The following CRACDL variants were observed in gnomAD, a reference collection of about 807,000 sequenced individuals.
CRACDL encodes CRACD-like protein.
In CRACDL, 26 loss-of-function variants were observed where a neutral mutation model predicts 70.6. That is an observed-to-expected ratio of 0.37 (90% confidence interval 0.27 to 0.51). The LOEUF (loss-of-function observed/expected upper bound fraction) is 0.51. CRACDL is among the 20% of genes least tolerant of loss of function. CRACDL has a pLI of 0.94. For missense variants in CRACDL, 1,283 were observed against 1,376.9 expected, an observed-to-expected ratio of 0.93 and a Z score of 1.08; for synonymous variants, 618 against 615.2, an observed-to-expected ratio of 1.00 and a Z score of -0.07.
At chr2:98,820,801 G>A (rs1434275023) in intron 7 of CRACDL, among the ~76,000 whole-genome samples, 1 of 152,180 alleles carries the variant, frequency 6.6e-6, no homozygotes, top group African/African-American at 2.4e-5. Flanking sequence ...AGAGACTTAC[G>A]TTTTATACAG....
chr2:98,799,320 T>C (rs113528263), intron 7 of CRACDL, among the ~76,000 whole-genome samples: 3,370 of 152,286 alleles, frequency 0.022, 134 homozygotes, highest in African/African-American at 0.077. Flanking sequence ...TTTCCCTTAG[T>C]GCCCTGGTCA....
chr2:98,919,884 T>C (rs1468330425), intron 1 of CRACDL, among the ~76,000 whole-genome samples: 1 of 152,164 alleles, frequency 6.6e-6, no homozygotes, highest in Non-Finnish European at 1.5e-5. Flanking sequence ...TTCTGAGTAG[T>C]TGGGACTGCA....
At chr2:98,881,865 C>A (rs1040964807) in intron 1 of CRACDL, among the ~76,000 whole-genome samples, 1 of 152,186 alleles carries the variant, frequency 6.6e-6, no homozygotes, top group African/African-American at 2.4e-5. Flanking sequence ...CCTCTTCCAA[C>A]ACAGGCTTAA....
chr2:98,896,597 G>A (rs922610165), intron 1 of CRACDL, among the ~76,000 whole-genome samples: 2 of 152,100 alleles, frequency 1.3e-5, no homozygotes, highest in African/African-American at 4.8e-5. Flanking sequence ...TCGGCAGAAT[G>A]ATTGACACTC....
intron 1 of CRACDL, among the ~76,000 whole-genome samples, chr2:98,855,960 CAGAG>C (rs1454260838): frequency 6.6e-6 from 1 of 151,994 alleles, no homozygotes; most frequent in African/African-American, 2.4e-5. Flanking sequence ...AAAAAATGAA[CAGAG>C]ACTCAGAAAA....
intron 9 of CRACDL, among the ~76,000 whole-genome samples, chr2:98,795,340 T>C (rs1431464858): frequency 2.0e-5 from 3 of 151,782 alleles, no homozygotes; most frequent in Non-Finnish European, 2.9e-5. Flanking sequence ...CCTCCCAAAG[T>C]GCTGGGATTA....
At chr2:98,859,682 A>G (rs1231287111) in intron 1 of CRACDL, among the ~76,000 whole-genome samples, 2 of 152,232 alleles carry the variant, frequency 1.3e-5, no homozygotes, top group Non-Finnish European at 2.9e-5. Context: ...GGCATCTATG[A>G]AAAACCTACA....
intron 5 of CRACDL, among the ~76,000 whole-genome samples, chr2:98,827,498 G>T (rs993005280): frequency 6.6e-6 from 1 of 152,168 alleles, no homozygotes; most frequent in Non-Finnish European, 1.5e-5. Flanking sequence ...CACCATGTTG[G>T]CCAGGCTGGT....
At chr2:98,870,555 C>A (rs1330854300) in intron 1 of CRACDL, among the ~76,000 whole-genome samples, 1 of 149,342 alleles carries the variant, frequency 6.7e-6, no homozygotes, top group Non-Finnish European at 1.5e-5. Context: ...GTGGAGAGTC[C>A]CCTGTATCCT....
intron 3 of CRACDL, among the ~76,000 whole-genome samples, chr2:98,837,206 GAAAA>G: frequency 8.8e-6 from 1 of 113,832 alleles, no homozygotes; most frequent in Admixed American, 8.6e-5. Flanking sequence ...ACCCAAAACT[GAAAA>G]AAAAAAAAAA....
rs1489768155 is a variant in CRACDL, at chr2:98,936,164, C to T, written c.-237G>A. ...TCCCGCGGCCGGCCCGGCCCTGCGC[C>T]CGGCGCGCTCCCAGCTCCCAGCTCC... On this transcript the variant is annotated 5_prime_UTR_variant, in exon 1 of 10. Transcript: ENST00000397899. 2.6e-5 allele frequency: 4 copies of T among 151,012 alleles called. No individual in the cohort carries two copies. Among genetic ancestry groups the T allele is most frequent in the Admixed American group, 1.3e-4 (2 of 15,158 alleles). The allele number at this position is 151,012 out of a possible 1,614,324, so 9.4% of individuals were successfully genotyped here.
intron 7 of CRACDL, among the ~76,000 whole-genome samples, chr2:98,804,742 C>T (rs913439067): frequency 6.6e-6 from 1 of 152,140 alleles, no homozygotes; most frequent in South Asian, 2.1e-4. Flanking sequence ...GCTGTGTGTT[C>T]GGTGTCAATG....
At chr2:98,813,789 G>T (rs984032488) in intron 7 of CRACDL, among the ~76,000 whole-genome samples, 1 of 152,136 alleles carries the variant, frequency 6.6e-6, no homozygotes, top group African/African-American at 2.4e-5. Context: ...TATAATTGGT[G>T]TTATTTCTTC....
At chr2:98,803,706 G>T (rs890287155) in intron 7 of CRACDL, among the ~76,000 whole-genome samples, 16 of 152,158 alleles carry the variant, frequency 1.1e-4, no homozygotes, top group Non-Finnish European at 1.8e-4. Context: ...TGGAAAAGAG[G>T]CCTGAGTTTG....
At chr2:98,889,414 A>C (rs775182822) in intron 1 of CRACDL, among the ~76,000 whole-genome samples, 1 of 152,204 alleles carries the variant, frequency 6.6e-6, no homozygotes, top group Non-Finnish European at 1.5e-5. Context: ...TTTAAGATAA[A>C]AATTACTACA....
intron 1 of CRACDL, among the ~76,000 whole-genome samples, chr2:98,870,467 A>G (rs867357838): frequency 1.0e-4 from 12 of 120,552 alleles, no homozygotes; most frequent in African/African-American, 4.1e-4. Flanking sequence ...GGTAGTTTAT[A>G]TACATTTGCC....
intron 1 of CRACDL, among the ~76,000 whole-genome samples, chr2:98,848,476 C>A (rs962234272): frequency 6.6e-6 from 1 of 152,268 alleles, no homozygotes; most frequent in Admixed American, 6.5e-5. Context: ...CCCCTCAGTG[C>A]CATCTCCTGA....
intron 5 of CRACDL, among the ~76,000 whole-genome samples, chr2:98,831,593 TG>T (rs1207739661): frequency 1.3e-5 from 2 of 152,220 alleles, no homozygotes; most frequent in Non-Finnish European, 2.9e-5. Context: ...CTTGTCTACA[TG>T]GGAAGGATGA....
intron 5 of CRACDL, among the ~76,000 whole-genome samples, chr2:98,830,526 T>A (rs1705497195): frequency 6.6e-6 from 1 of 152,228 alleles, no homozygotes; most frequent in Non-Finnish European, 1.5e-5. Context: ...ATAAAAACTT[T>A]CAGGCCTCAA....
Sources: gnomAD v4.1 joint callset for allele counts (sites outside exome capture counted in the v4.1 genomes callset) on GRCh38, gnomAD v4.1.1 for gene constraint, MANE v1.5 for transcripts, NCBI Gene and HGNC (gene_info 2026-07-23, HGNC 2026-07-21) for gene names.